SSBP2: variants seen among roughly 807,000 people sequenced by gnomAD.
The protein encoded by SSBP2 is single-stranded DNA-binding protein 2.
Under a neutral mutation model 61.8 loss-of-function variants are expected in SSBP2, and 17 were observed. That is an observed-to-expected ratio of 0.28 (90% CI 0.19 to 0.41). The LOEUF is 0.41. Ranked by LOEUF, SSBP2 falls within the 10% of genes least tolerant of loss-of-function variation. The pLI, the probability that SSBP2 is intolerant of heterozygous loss-of-function variation, is 1.00. For synonymous variants in SSBP2, 139 were observed against 141.3 expected, an observed-to-expected ratio of 0.98 and a Z score of 0.12; for missense variants, 310 against 458.7, an observed-to-expected ratio of 0.68 and a Z score of 2.96.
intron 1 of SSBP2, among the ~76,000 whole-genome samples, chr5:81,719,059 G>A (rs1280285967): frequency 6.6e-6 from 1 of 152,086 alleles, no homozygotes; most frequent in African/African-American, 2.4e-5. Flanking sequence ...GAATTATACA[G>A]TATCACTCTT....
chr5:81,677,028 A>G (rs1322950854), intron 1 of SSBP2, among the ~76,000 whole-genome samples: 14 of 152,216 alleles, frequency 9.2e-5, no homozygotes. Flanking sequence ...ATTAATACGC[A>G]GGGTAAAGTG....
intron 1 of SSBP2, among the ~76,000 whole-genome samples, chr5:81,749,110 T>C (rs778495134): frequency 3.9e-4 from 59 of 152,226 alleles, no homozygotes; most frequent in Non-Finnish European, 7.3e-4. Flanking sequence ...TTCAGATGTT[T>C]TTATCAGGCA....
At chr5:81,660,711 T>C (rs951394539) in intron 1 of SSBP2, among the ~76,000 whole-genome samples, 5 of 152,218 alleles carry the variant, frequency 3.3e-5, no homozygotes, top group Non-Finnish European at 7.3e-5. Context: ...TGCACATGTA[T>C]GTTTACTGCA....
At chr5:81,433,521 C>G (rs1256244232) in intron 15 of SSBP2, among the ~76,000 whole-genome samples, 1 of 151,106 alleles carries the variant, frequency 6.6e-6, no homozygotes, top group African/African-American at 2.4e-5. Context: ...CTGACCTTCC[C>G]TCCTTCCCTC....
chr5:81,493,255 TAGATAGATAGATA>T (rs1348270329), intron 5 of SSBP2, among the ~76,000 whole-genome samples: 7 of 64,318 alleles, frequency 1.1e-4, no homozygotes, highest in African/African-American at 3.5e-4. Context: ...ACAAAACAGA[TAGATAGATAGATA>T]GATAGATAGA....
chr5:81,440,871 T>C (rs548688638), intron 13 of SSBP2, among the ~76,000 whole-genome samples: 2 of 152,326 alleles, frequency 1.3e-5, no homozygotes, highest in South Asian at 4.1e-4. Context: ...TCATCATTTA[T>C]CTCCAAATTT....
rs1561364673 is a variant in SSBP2, at chr5:81,413,455, T to A, written c.*7049A>T. On this transcript the variant is annotated 3_prime_UTR_variant, in exon 17 of 17. Transcript: ENST00000320672. ...TGTGCATTTATAAAAACCTTACAAATACTTCTATTTTTCCAGGAAGATATT... is the reference window on the plus strand; with the variant it reads ...TGTGCATTTATAAAAACCTTACAAAAACTTCTATTTTTCCAGGAAGATATT... The A allele has an allele frequency of 6.6e-6, 1 of 152,198 alleles. No homozygotes were observed. The allele number at this position is 152,198 out of a possible 1,614,324, so 9.4% of individuals were successfully genotyped here.
chr5:81,704,372 CTTACA>C (rs1427028181), intron 1 of SSBP2, among the ~76,000 whole-genome samples: 2 of 152,214 alleles, frequency 1.3e-5, no homozygotes, highest in Non-Finnish European at 2.9e-5. Flanking sequence ...AGTTCTACCA[CTTACA>C]TTACATAAAA....
intron 14 of SSBP2, among the ~76,000 whole-genome samples, chr5:81,439,089 A>G (rs1007997438): frequency 1.3e-5 from 2 of 152,248 alleles, no homozygotes; most frequent in East Asian, 3.8e-4. Context: ...GTGTACTGCA[A>G]ATAATTTGGT....
In SSBP2 at chr5:81,440,749, A is replaced by C. The variant is rs1481228658; in HGVS notation, c.850-113T>G. On this transcript the variant is annotated intron_variant, in intron 13 of 16. Coordinates refer to ENST00000320672, the MANE Select transcript of SSBP2 (RefSeq NM_012446.5). Reference sequence around the variant, plus strand: ...CTGCCACAACTTATTTTTACTTTCAAGCTATGGAGATCTTTTACTTGATGT... The same window carrying C: ...CTGCCACAACTTATTTTTACTTTCACGCTATGGAGATCTTTTACTTGATGT... The C allele has an allele frequency of 8.5e-6, 6 of 704,752 alleles. No homozygotes were observed. In the Admixed American group the frequency reaches 2.0e-4, roughly 23 times the overall value. The allele number at this position is 704,752 out of a possible 1,614,324, so 43.7% of individuals were successfully genotyped here.
At chr5:81,709,878 C>G (rs1754651988) in intron 1 of SSBP2, among the ~76,000 whole-genome samples, 1 of 151,832 alleles carries the variant, frequency 6.6e-6, no homozygotes, top group Admixed American at 6.6e-5. Context: ...GTCAGTTTGT[C>G]TGGGATGCAG....
chr5:81,425,046 G>GT (rs1272115391), intron 16 of SSBP2, among the ~76,000 whole-genome samples: 1 of 152,160 alleles, frequency 6.6e-6, no homozygotes, highest in East Asian at 1.9e-4. Context: ...AGTTAAAAAT[G>GT]TAACCCTTAA....
chr5:81,742,467 A>G lies in SSBP2; in HGVS notation c.62+8514T>C, dbSNP rs189446875. 3.3e-3 allele frequency among the ~76,000 whole-genome samples: 504 copies of G among 152,342 alleles called. 3 individuals are homozygous for G. The highest frequency in any genetic ancestry group is 0.011 in the African/African-American group (477 of 41,584). On this transcript the variant is annotated intron_variant, in intron 1 of 16. Coordinates refer to ENST00000320672, the MANE Select transcript of SSBP2 (RefSeq NM_012446.5). ...CTTAACTCATTTATTCCACAAATAC[A>G]TAATCACAAACCTTGCAACCACTGT...
At chr5:81,750,890 G>T (rs1335103867) in intron 1 of SSBP2, 91 bp downstream of exon 1, 1 of 1,418,546 alleles carries the variant, frequency 7.0e-7, no homozygotes, top group Non-Finnish European at 9.7e-7. Flanking sequence ...TCCCCGGGCG[G>T]AGAGTGTCTG....
At position 81,679,007 on chromosome 5, in the gene SSBP2, T is replaced by TTTTA. The variant is rs577469276; in HGVS notation, c.63-28672_63-28669dup. Among the ~76,000 whole-genome samples the TTTTA allele has an allele frequency of 1.1e-3, 166 of 152,162 alleles. 1 individual carries two copies. Among genetic ancestry groups the TTTTA allele is most frequent in the Admixed American group, 2.2e-3 (33 of 15,290 alleles). On this transcript the variant is annotated intron_variant, in intron 1 of 16. Transcript: ENST00000320672. Reference sequence around the variant, plus strand: ...GAATAAGTAAAGGTAAAATAAAATTTTTTATTTATTTATTTATTTTGAGAT... The same window carrying TTTTA: ...GAATAAGTAAAGGTAAAATAAAATTTTTTATTTATTTATTTATTTATTTTGAGAT...
intron 1 of SSBP2, among the ~76,000 whole-genome samples, chr5:81,697,054 CT>C (rs1455747277): frequency 6.6e-6 from 1 of 152,142 alleles, no homozygotes; most frequent in Non-Finnish European, 1.5e-5. Context: ...AGAAAAGTAC[CT>C]TCTTTATCCT....
At chr5:81,535,372 T>C (rs756735644) in intron 4 of SSBP2, among the ~76,000 whole-genome samples, 4 of 152,098 alleles carry the variant, frequency 2.6e-5, no homozygotes, top group African/African-American at 9.7e-5. Context: ...ATGTGACCTA[T>C]AGATTCAATA....
chr5:81,695,118 G>A (rs1286138521), intron 1 of SSBP2, among the ~76,000 whole-genome samples: 2 of 152,140 alleles, frequency 1.3e-5, no homozygotes, highest in African/African-American at 2.4e-5. Context: ...CTGATAAAAT[G>A]CCACTGTAAC....
In SSBP2 at chr5:81,691,746, A is replaced by G. The variant is rs545799255; in HGVS notation, c.63-41407T>C. ...TATTACTCTGATACCAAAACCAGAC[A>G]AAGACACATCAAAAAAAGAAAACTA... On this transcript the variant is annotated intron_variant, in intron 1 of 16. Transcript: ENST00000320672. Among the ~76,000 whole-genome samples, 8 of 152,278 alleles carry G rather than the reference A, an allele frequency of 5.3e-5. No homozygotes were observed. In the South Asian group the frequency reaches 1.7e-3, roughly 32 times the overall value.
Sources: allele counts gnomAD v4.1 joint callset (sites outside exome capture counted in the v4.1 genomes callset), GRCh38; gene constraint gnomAD v4.1.1; transcripts MANE v1.5; gene names NCBI Gene and HGNC (gene_info 2026-07-23, HGNC 2026-07-21).